The following PTPRD variants were observed in gnomAD, a reference collection of about 807,000 sequenced individuals.
The protein encoded by PTPRD is receptor-type tyrosine-protein phosphatase delta.
In PTPRD, 34 loss-of-function variants were observed where a neutral mutation model predicts 214.5. The observed-to-expected ratio is 0.16, with a 90% CI of 0.12 to 0.21. The LOEUF is 0.21. Among genes scored for constraint, PTPRD ranks in the 10% least tolerant of loss-of-function variants. The pLI is 1.00. For missense variants in PTPRD, 2,545 were observed against 2,398.7 expected (o/e 1.06, Z -1.27); for synonymous variants, 1,128 against 845.7 (o/e 1.33, Z -5.79).
intron 5 of PTPRD, chr9:9,800,769 G>T (rs906831304): frequency 6.6e-6 from 1 of 152,126 alleles, no homozygotes; most frequent in Non-Finnish European, 1.5e-5. Context: ...AATGTTGAAA[G>T]GTGTTCAAGG....
intron 3 of PTPRD, among the ~76,000 whole-genome samples, chr9:10,312,096 G>C (rs534760609): frequency 6.6e-6 from 1 of 151,982 alleles, no homozygotes; most frequent in East Asian, 1.9e-4. Context: ...AAAACAACCA[G>C]AGTCCAGTGA....
intron 5 of PTPRD, among the ~76,000 whole-genome samples, chr9:9,777,098 G>C (rs960833162): frequency 4.6e-5 from 7 of 152,170 alleles, no homozygotes; most frequent in African/African-American, 1.7e-4. Context: ...TATGCTAGTT[G>C]TTATGGCTAA....
At chr9:8,643,276 C>T (rs189678176) in intron 12 of PTPRD, among the ~76,000 whole-genome samples, 1 of 151,676 alleles carries the variant, frequency 6.6e-6, no homozygotes, top group Non-Finnish European at 1.5e-5. Flanking sequence ...TTCAAAGAGT[C>T]TTGCAAGATG....
intron 5 of PTPRD, among the ~76,000 whole-genome samples, chr9:9,918,167 A>G (rs2081468621): frequency 6.6e-6 from 1 of 152,154 alleles, no homozygotes; most frequent in African/African-American, 2.4e-5. Flanking sequence ...AGAGTCTACC[A>G]AAAATCTCAG....
At chr9:10,349,135 T>G (rs1425003518) in intron 2 of PTPRD, among the ~76,000 whole-genome samples, 1 of 151,762 alleles carries the variant, frequency 6.6e-6, no homozygotes, top group Non-Finnish European at 1.5e-5. Flanking sequence ...CCATTAATAT[T>G]CTCCCCTACT....
At chr9:8,624,334 A>G in intron 14 of PTPRD, among the ~76,000 whole-genome samples, 1 of 151,888 alleles carries the variant, frequency 6.6e-6, no homozygotes, top group Non-Finnish European at 1.5e-5. Context: ...GTATCATCCT[A>G]TTTCCTTGTG....
intron 38 of PTPRD, among the ~76,000 whole-genome samples, chr9:8,376,306 T>C (rs1364964617): frequency 3.3e-5 from 5 of 152,090 alleles, no homozygotes; most frequent in Admixed American, 2.6e-4. Context: ...GTGAGAAGCA[T>C]TATATTTTTC....
At chr9:8,762,396 G>C (rs1331049366) in intron 11 of PTPRD, among the ~76,000 whole-genome samples, 1 of 152,130 alleles carries the variant, frequency 6.6e-6, no homozygotes, top group Non-Finnish European at 1.5e-5. Context: ...GCATGCAGAA[G>C]TCAGCTATGT....
At chr9:9,723,671 T>C (rs12346500) in intron 7 of PTPRD, among the ~76,000 whole-genome samples, 86,783 of 151,860 alleles carry the variant, frequency 0.57, 26,735 homozygotes, top group African/African-American at 0.78. Flanking sequence ...ATTTTTTCCA[T>C]TCATGTAGAT....
rs570016473 is a variant in PTPRD, at chr9:9,705,317, G to C, written c.-287+29216C>G. Among the ~76,000 whole-genome samples, 3 of 152,256 alleles carry C rather than the reference G, an allele frequency of 2.0e-5. No homozygotes were observed. The East Asian group carries it at 5.8e-4, about 29-fold the overall frequency. ...GTAGAATTATACATTTTTCCATTAT[G>C]ATTATCTTAATTAGATGGAGAATTA... On this transcript the variant is annotated intron_variant, in intron 7 of 45. Transcript: ENST00000381196.
chr9:8,497,973 C>G (rs569270546), intron 25 of PTPRD, among the ~76,000 whole-genome samples: 2 of 152,296 alleles, frequency 1.3e-5, no homozygotes, highest in African/African-American at 2.4e-5. Flanking sequence ...TAAAACGTAG[C>G]AATGATGGCT....
chr9:9,678,894 A>G (rs943320656), intron 7 of PTPRD, among the ~76,000 whole-genome samples: 2 of 151,926 alleles, frequency 1.3e-5, no homozygotes, highest in African/African-American at 4.8e-5. Context: ...TCAAAGTGGC[A>G]GTTCAAAAAT....
At chr9:10,029,219 AG>A (rs1230640887) in intron 4 of PTPRD, among the ~76,000 whole-genome samples, 4 of 152,174 alleles carry the variant, frequency 2.6e-5, no homozygotes, top group African/African-American at 9.7e-5. Context: ...AGTTTGCTGC[AG>A]GGGTGGGGTG....
intron 10 of PTPRD, among the ~76,000 whole-genome samples, chr9:9,079,185 A>G (rs1267531943): frequency 6.6e-6 from 1 of 152,044 alleles, no homozygotes; most frequent in African/African-American, 2.4e-5. Flanking sequence ...ATCCTTTAAC[A>G]AATCTCTCCT....
intron 2 of PTPRD, among the ~76,000 whole-genome samples, chr9:10,561,696 A>G (rs978775753): frequency 6.6e-6 from 1 of 152,136 alleles, no homozygotes; most frequent in African/African-American, 2.4e-5. Context: ...TAATCTTTCT[A>G]TCCTCAGAAG....
chr9:8,550,452 C>T (rs1380028696), intron 14 of PTPRD, among the ~76,000 whole-genome samples: 1 of 152,142 alleles, frequency 6.6e-6, no homozygotes, highest in Non-Finnish European at 1.5e-5. Flanking sequence ...CTATATTCTG[C>T]ATTATTTATT....
At chr9:8,414,996 C>G (rs1435963144) in intron 35 of PTPRD, among the ~76,000 whole-genome samples, 1 of 147,530 alleles carries the variant, frequency 6.8e-6, no homozygotes, top group African/African-American at 2.5e-5. Flanking sequence ...GGGGCAGTCT[C>G]TGCTAAAAAG....
intron 11 of PTPRD, among the ~76,000 whole-genome samples, chr9:9,006,801 CT>C (rs2099471689): frequency 6.6e-6 from 1 of 151,640 alleles, no homozygotes. Flanking sequence ...TATGTTTTTT[CT>C]TTTTTTATAG....
chr9:10,043,989 A>G (rs929304314), intron 3 of PTPRD, among the ~76,000 whole-genome samples: 1 of 151,812 alleles, frequency 6.6e-6, no homozygotes, highest in African/African-American at 2.4e-5. Context: ...AAAAGCTCAG[A>G]ATTTGTAACA....
Sources: allele counts gnomAD v4.1 joint callset (sites outside exome capture counted in the v4.1 genomes callset), GRCh38; gene constraint gnomAD v4.1.1; transcripts MANE v1.5; gene names NCBI Gene and HGNC (gene_info 2026-07-23, HGNC 2026-07-21).